Variants in PDPR observed in about 807,000 individuals in gnomAD.
PDPR encodes the protein pyruvate dehydrogenase phosphatase regulatory subunit, mitochondrial.
In PDPR, 50 loss-of-function variants were observed where a neutral mutation model predicts 102.2. The observed-to-expected ratio is 0.49, with a 90% CI of 0.39 to 0.62. The LOEUF is 0.62. PDPR is among the 20% of genes least tolerant of loss of function. PDPR has a pLI of 0.00. For synonymous variants in PDPR, 259 were observed against 406.0 expected, an observed-to-expected ratio of 0.64 and a Z score of 4.35; for missense variants, 625 against 1,098.2, an observed-to-expected ratio of 0.57 and a Z score of 6.09.
intron 17 of PDPR, among the ~76,000 whole-genome samples, chr16:70,150,770 C>T (rs1474683573): frequency 3.3e-5 from 5 of 152,226 alleles, no homozygotes; most frequent in African/African-American, 1.2e-4. Flanking sequence ...CGTCAGCCTC[C>T]CAAAGTATTG....
At chr16:70,137,198 C>T (rs1231119369) in intron 10 of PDPR, among the ~76,000 whole-genome samples, 1 of 152,188 alleles carries the variant, frequency 6.6e-6, no homozygotes, top group Non-Finnish European at 1.5e-5. Context: ...TAAAAATACA[C>T]AAACAAAATT....
rs1967501617 is a variant in PDPR, at chr16:70,158,851, T to A, written c.*1972T>A. ...ACTGAGAGCTGCAGGCCTCCTCTGC[T>A]CTTCCAAACACGTAGCATTTGCACC... On this transcript the variant is annotated 3_prime_UTR_variant, in exon 19 of 19. Coordinates refer to ENST00000288050, the MANE Select transcript of PDPR (RefSeq NM_017990.5). 6.6e-6 allele frequency: 1 copy of A among 152,590 alleles called. No individual in the cohort carries two copies. Among genetic ancestry groups the A allele is most frequent in the Non-Finnish European group, 1.5e-5 (1 of 68,224 alleles). 9.5% of individuals were successfully genotyped at this position (152,590 alleles called of 1,614,324 possible).
At chr16:70,129,291 G>A (rs548984030) in intron 6 of PDPR, among the ~76,000 whole-genome samples, 169 bp downstream of exon 6, 104 of 152,348 alleles carry the variant, frequency 6.8e-4, no homozygotes, top group African/African-American at 2.3e-3. Context: ...GTTAATGAGT[G>A]TTTTCCCTCA....
In PDPR at chr16:70,156,610, C is replaced by T. The variant is rs373741227; in HGVS notation, c.2371C>T (p.Arg791Trp). ...LWPWWGEPIY[R>W]NGQYVGKTTS... is the part of the protein sequence containing the mutation. The stretch of plus-strand genomic sequence containing the variant: ...GCCTTGGTGGGGAGAGCCCATTTAC[C>T]GGAATGGGCAGTATGTTGGCAAGAC... Residue 791 changes from arginine to tryptophan, a missense_variant, in exon 19 of 19, where the codon CGG (arginine) becomes TGG (tryptophan). Transcript: ENST00000288050. The T allele has an allele frequency of 2.4e-5, 39 of 1,614,056 alleles. No homozygotes were observed. Among genetic ancestry groups the T allele is most frequent in the Admixed American group, 6.7e-5 (4 of 60,030 alleles).
intron 11 of PDPR, among the ~76,000 whole-genome samples, chr16:70,141,164 C>T (rs1281549907): frequency 6.6e-6 from 1 of 152,226 alleles, no homozygotes; most frequent in African/African-American, 2.4e-5. Context: ...AACAATTCTC[C>T]TGCCTCAGCC....
chr16:70,128,539 T>C (rs1218419947), intron 4 of PDPR, among the ~76,000 whole-genome samples: 3 of 152,246 alleles, frequency 2.0e-5, no homozygotes, highest in Non-Finnish European at 4.4e-5. Context: ...AGAATCTCAT[T>C]TGATCCTCAC....
chr16:70,120,931 CTTTTTTTTTTTTTT>C (rs71385643), intron 3 of PDPR, among the ~76,000 whole-genome samples: 3 of 103,052 alleles, frequency 2.9e-5, no homozygotes, highest in African/African-American at 3.9e-5. Context: ...TTTCGTTTTC[CTTTTTTTTTTTTTT>C]TTTTTTTTTT....
chr16:70,122,956 AGT>A (rs1963500199), intron 3 of PDPR, among the ~76,000 whole-genome samples: 1 of 152,046 alleles, frequency 6.6e-6, no homozygotes, highest in Non-Finnish European at 1.5e-5. Flanking sequence ...GCTGGAGTGC[AGT>A]GACGTGATCT....
intron 17 of PDPR, among the ~76,000 whole-genome samples, 197 bp from the exon 18 acceptor site, chr16:70,153,194 T>C (rs1262775722): frequency 4.6e-5 from 7 of 152,290 alleles, no homozygotes; most frequent in Non-Finnish European, 1.0e-4. Context: ...GTCATGGAGC[T>C]TAAGTCCAGG....
chr16:70,121,950 G>C (rs1302975149), intron 3 of PDPR, among the ~76,000 whole-genome samples: 21 of 152,128 alleles, frequency 1.4e-4, no homozygotes, highest in African/African-American at 5.1e-4. Flanking sequence ...TTTTTCTGTA[G>C]AGATGGGATC....
chr16:70,157,542 T>G lies in PDPR; in HGVS notation c.*663T>G, dbSNP rs113087751. On this transcript the variant is annotated 3_prime_UTR_variant, in exon 19 of 19. Transcript: ENST00000288050. ...CCCTGCAGAAGCCATTAGCAGACCT[T>G]TGGGCCAGGGCAGCCTCCCTATAAT... 2 of 203,620 alleles carry G rather than the reference T, an allele frequency of 9.8e-6. No individual in the cohort carries two copies. The highest frequency in any genetic ancestry group is 4.7e-5 in the African/African-American group (2 of 42,832). The allele number at this position is 203,620 out of a possible 1,614,324, so 12.6% of individuals were successfully genotyped here.
chr16:70,126,782 T>C (rs1472426639), intron 3 of PDPR, among the ~76,000 whole-genome samples: 3 of 152,282 alleles, frequency 2.0e-5, no homozygotes, highest in Admixed American at 1.3e-4. Flanking sequence ...TACCTCAGCC[T>C]GTCAAAGTGC....
intron 2 of PDPR, 160 bp from the exon 3 acceptor site, chr16:70,120,301 T>C (rs4985501): frequency 0.37 from 205,421 of 551,198 alleles, 39,335 homozygotes; most frequent in Non-Finnish European, 0.39. Flanking sequence ...CCGCCCGCCT[T>C]GGCCTCCCAG....
chr16:70,154,006 C>T (rs926096458), intron 18 of PDPR, among the ~76,000 whole-genome samples: 9 of 152,194 alleles, frequency 5.9e-5, no homozygotes, highest in South Asian at 2.1e-4. Context: ...AGTGAAACCC[C>T]GTCTCTACTA....
intron 3 of PDPR, among the ~76,000 whole-genome samples, chr16:70,124,087 G>A (rs2152067796): frequency 6.6e-6 from 1 of 151,548 alleles, no homozygotes; most frequent in South Asian, 2.1e-4. Context: ...CCTCGGCCAA[G>A]TGCAGTGGCT....
At chr16:70,126,270 G>T (rs1330048611) in intron 3 of PDPR, among the ~76,000 whole-genome samples, 1 of 152,278 alleles carries the variant, frequency 6.6e-6, no homozygotes. Context: ...GAAGTGTAGT[G>T]GCACAATGCT....
chr16:70,141,822 G>C (rs752539680), intron 11 of PDPR, among the ~76,000 whole-genome samples: 2 of 152,290 alleles, frequency 1.3e-5, no homozygotes, highest in African/African-American at 4.8e-5. Flanking sequence ...AAATTGGGCC[G>C]GGCAGAGTGG....
chr16:70,150,260 C>A (rs1030795753), intron 17 of PDPR, among the ~76,000 whole-genome samples: 8 of 152,102 alleles, frequency 5.3e-5, no homozygotes, highest in African/African-American at 1.9e-4. Flanking sequence ...CCTGCCACCA[C>A]ACCCGACTAA....
intron 3 of PDPR, among the ~76,000 whole-genome samples, chr16:70,125,577 A>AAG (rs1388130562): frequency 6.5e-5 from 3 of 45,878 alleles, no homozygotes; most frequent in Non-Finnish European, 9.7e-5. Flanking sequence ...AAAAAAAAGT[A>AAG]TATATATATA....
Sources: allele counts gnomAD v4.1 joint callset (sites outside exome capture counted in the v4.1 genomes callset), GRCh38; gene constraint gnomAD v4.1.1; transcripts MANE v1.5; gene names NCBI Gene and HGNC (gene_info 2026-07-23, HGNC 2026-07-21).